GRID2: variants seen among roughly 807,000 people sequenced by gnomAD.
GRID2 encodes the protein glutamate ionotropic receptor delta type subunit 2.
In GRID2, 33 loss-of-function variants were observed where a neutral mutation model predicts 114.8. That is an observed-to-expected ratio of 0.29 (90% confidence interval 0.22 to 0.38). The LOEUF (loss-of-function observed/expected upper bound fraction) is 0.38. Ranked by LOEUF, GRID2 falls within the 10% of genes least tolerant of loss-of-function variation. GRID2 has a pLI of 1.00. For synonymous variants in GRID2, 505 were observed against 449.9 expected (o/e 1.12, Z -1.55); for missense variants, 1,184 against 1,257.7 (o/e 0.94, Z 0.89).
At chr4:93,054,958 T>C (rs1727083326) in intron 2 of GRID2, among the ~76,000 whole-genome samples, 1 of 151,876 alleles carries the variant, frequency 6.6e-6, no homozygotes, top group Admixed American at 6.6e-5. Context: ...TTTTCAGCCT[T>C]TTTTACACAC....
intron 1 of GRID2, among the ~76,000 whole-genome samples, chr4:92,438,489 G>T (rs1047537018): frequency 1.6e-4 from 24 of 151,844 alleles, no homozygotes; most frequent in Middle Eastern, 3.2e-3. Flanking sequence ...TAGTGTATAT[G>T]TGATGAGGCA....
intron 2 of GRID2, among the ~76,000 whole-genome samples, chr4:92,981,300 C>T (rs1303929514): frequency 6.6e-6 from 1 of 151,934 alleles, no homozygotes; most frequent in Non-Finnish European, 1.5e-5. Flanking sequence ...AAAATCACTG[C>T]CAAAGTCACT....
chr4:93,473,215 A>G (rs1422504386), intron 11 of GRID2, among the ~76,000 whole-genome samples: 1 of 152,176 alleles, frequency 6.6e-6, no homozygotes, highest in African/African-American at 2.4e-5. Flanking sequence ...ACAATTTTAA[A>G]AAATCATTCT....
chr4:93,482,682 C>A (rs1228709437), intron 11 of GRID2, among the ~76,000 whole-genome samples: 1 of 151,806 alleles, frequency 6.6e-6, no homozygotes, highest in Admixed American at 6.6e-5. Context: ...GCACGTGTAT[C>A]CCAGAACTTA....
intron 2 of GRID2, among the ~76,000 whole-genome samples, chr4:92,919,746 T>C (rs1749144503): frequency 6.6e-6 from 1 of 152,170 alleles, no homozygotes; most frequent in Non-Finnish European, 1.5e-5. Context: ...TTCTGTTACA[T>C]TTGCTGAGGA....
intron 14 of GRID2, among the ~76,000 whole-genome samples, chr4:93,664,975 T>C (rs923950915): frequency 1.3e-5 from 2 of 152,178 alleles, no homozygotes; most frequent in African/African-American, 4.8e-5. Flanking sequence ...ATCATGACAG[T>C]AGGTGTGGGG....
chr4:92,794,015 C>T (rs1342057887), intron 2 of GRID2, among the ~76,000 whole-genome samples: 5 of 151,808 alleles, frequency 3.3e-5, no homozygotes, highest in Non-Finnish European at 7.4e-5. Flanking sequence ...GGCAGCAAGA[C>T]TGGAATGCCG....
chr4:93,115,380 T>C (rs13133284), intron 4 of GRID2, among the ~76,000 whole-genome samples: 53 of 150,298 alleles, frequency 3.5e-4, no homozygotes, highest in African/African-American at 1.1e-3. Context: ...GTGTTTCTTA[T>C]GTGGCATTCC....
At chr4:93,612,859 G>C (rs1219160847) in intron 13 of GRID2, among the ~76,000 whole-genome samples, 2 of 135,830 alleles carry the variant, frequency 1.5e-5, no homozygotes, top group Non-Finnish European at 3.2e-5. Flanking sequence ...ACGTTGGCCT[G>C]CCTTGCTAGA....
Position 92,936,657 on chromosome 4 carries a change from G to C in GRID2, c.245-148338G>C, listed in dbSNP as rs1318303026. On this transcript the variant is annotated intron_variant, in intron 2 of 15. Transcript: ENST00000282020. ...TCATTTATAAGGTCTGTTCAATCAA[G>C]GTCACAATTCTGTCTTAATTTCATA... 1.4e-5 allele frequency among the ~76,000 whole-genome samples: 2 copies of C among 145,848 alleles called. 1 individual carries two copies. Among genetic ancestry groups the C allele is most frequent in the East Asian group, 4.3e-4 (2 of 4,608 alleles).
chr4:93,035,523 C>T (rs1392346193), intron 2 of GRID2, among the ~76,000 whole-genome samples: 1 of 151,980 alleles, frequency 6.6e-6, no homozygotes, highest in Non-Finnish European at 1.5e-5. Context: ...TTCTGTGGGT[C>T]GCCTGCAAAC....
At chr4:93,142,357 G>A (rs10022163) in intron 4 of GRID2, among the ~76,000 whole-genome samples, 81,703 of 152,024 alleles carry the variant, frequency 0.54, 23,317 homozygotes, top group African/African-American at 0.71. Context: ...GATGCTAGGA[G>A]GTCCAAGATC....
chr4:92,570,178 C>A (rs1727540890), intron 1 of GRID2, among the ~76,000 whole-genome samples: 2 of 152,180 alleles, frequency 1.3e-5, no homozygotes, highest in African/African-American at 4.8e-5. Context: ...CTGCATATGG[C>A]TAGCTAGTTC....
At chr4:93,010,158 T>TA (rs869170108) in intron 2 of GRID2, among the ~76,000 whole-genome samples, 2 of 152,046 alleles carry the variant, frequency 1.3e-5, no homozygotes, top group Non-Finnish European at 2.9e-5. Flanking sequence ...GTAACTTACT[T>TA]AAAAAAATTT....
downstream of GRID2, among the ~76,000 whole-genome samples, chr4:93,777,758 T>G (rs367899118): frequency 6.6e-6 from 1 of 152,212 alleles, no homozygotes; most frequent in Non-Finnish European, 1.5e-5. Context: ...AAACAAAGAA[T>G]GATACAGTGT....
chr4:93,710,656 T>C (rs1241734374), intron 14 of GRID2, among the ~76,000 whole-genome samples: 2 of 152,310 alleles, frequency 1.3e-5, no homozygotes, highest in African/African-American at 4.8e-5. Flanking sequence ...CTTGTATCTT[T>C]TCCTTCAGGA....
chr4:92,943,876 G>A (rs963848310), intron 2 of GRID2, among the ~76,000 whole-genome samples: 36 of 152,288 alleles, frequency 2.4e-4, no homozygotes, highest in South Asian at 6.2e-4. Context: ...TATCAGCAGC[G>A]GAGGCTGCAG....
At chr4:93,076,806 C>T (rs1261646756) in intron 2 of GRID2, among the ~76,000 whole-genome samples, 4 of 151,644 alleles carry the variant, frequency 2.6e-5, no homozygotes, top group African/African-American at 9.7e-5. Flanking sequence ...TTAGTAGAGA[C>T]GGGGTATCAC....
intron 1 of GRID2, among the ~76,000 whole-genome samples, chr4:92,329,219 T>A (rs1726751832): frequency 6.6e-6 from 1 of 151,576 alleles, no homozygotes; most frequent in Non-Finnish European, 1.5e-5. Context: ...ATTCTTAAAC[T>A]TTTTTTTTCT....
Sources: gnomAD v4.1 joint callset for allele counts (sites outside exome capture counted in the v4.1 genomes callset) on GRCh38, gnomAD v4.1.1 for gene constraint, MANE v1.5 for transcripts, NCBI Gene and HGNC (gene_info 2026-07-23, HGNC 2026-07-21) for gene names.